Variants in ARHGAP32 observed in about 807,000 individuals in gnomAD.
ARHGAP32 encodes Rho GTPase activating protein 32, also known as rho GTPase-activating protein 32.
In ARHGAP32, 51 loss-of-function variants were observed where a neutral mutation model predicts 186.5. The observed-to-expected ratio is 0.27, with a 90% CI of 0.22 to 0.35. ARHGAP32 has a LOEUF of 0.35. Ranked by LOEUF, ARHGAP32 falls within the 10% of genes least tolerant of loss-of-function variation. The pLI, the probability that ARHGAP32 is intolerant of heterozygous loss-of-function variation, is 1.00. For synonymous variants in ARHGAP32, 950 were observed against 964.3 expected (o/e 0.99, Z 0.27); for missense variants, 2,186 against 2,623.5 (o/e 0.83, Z 3.64).
chr11:129,278,311 A>G (rs1354875931), intron 1 of ARHGAP32, among the ~76,000 whole-genome samples: 1 of 152,232 alleles, frequency 6.6e-6, no homozygotes, highest in African/African-American at 2.4e-5. Flanking sequence ...GATCAAAATT[A>G]TAATTATCCA....
At chr11:129,232,343 T>C (rs1194531070) in intron 1 of ARHGAP32, among the ~76,000 whole-genome samples, 1 of 152,190 alleles carries the variant, frequency 6.6e-6, no homozygotes, top group Non-Finnish European at 1.5e-5. Context: ...AACTAGAAGA[T>C]GAGTTCATCT....
rs753663540 is a variant in ARHGAP32 at position 128,970,653 on chromosome 11, A to G, written c.4560T>C (p.Ser1520=). 7 of 1,614,012 alleles carry G rather than the reference A, an allele frequency of 4.3e-6. No individual in the cohort carries two copies. In the Admixed American group the frequency reaches 6.7e-5, roughly 15 times the overall value. Residue 1520 remains serine (S), a synonymous_variant, in exon 23 of 23, where the codon AGT becomes AGC. Transcript: ENST00000682385. This position sits in a 1 kb window ranked among gnomAD's most constrained non-coding sequence, Gnocchi z 5.8. ...CCAATTTATTGTGATGGGGAGGTAC[A>G]CTCTGGGGACGGTACTGGCAGTTTG... is the stretch of plus-strand genomic sequence containing the variant. ...MTPNCQYRPQ[S]VPPHHNKLEQ...
chr11:129,153,047 A>T (rs1386744315), intron 2 of ARHGAP32, among the ~76,000 whole-genome samples: 2 of 152,176 alleles, frequency 1.3e-5, no homozygotes, highest in African/African-American at 4.8e-5. Context: ...AGTTTCAGAA[A>T]ACAAAATTAA....
chr11:129,238,520 G>A (rs932224365), intron 1 of ARHGAP32, among the ~76,000 whole-genome samples: 3 of 152,106 alleles, frequency 2.0e-5, no homozygotes, highest in Non-Finnish European at 2.9e-5. Flanking sequence ...AGTAACAGGT[G>A]CTCTTATACA....
rs1225907053 is a variant in ARHGAP32, at chr11:129,060,462, A to G, written c.963+1818T>C. 3.3e-5 allele frequency among the ~76,000 whole-genome samples: 5 copies of G among 152,176 alleles called. No homozygotes were observed. The East Asian group carries it at 9.6e-4, about 29-fold the overall frequency. Reference sequence around the variant, plus strand: ...ACAACATAACTATTATTTTAAAGCCAAATTAATCTTTTGATCATCTTTGAG... The same window carrying G: ...ACAACATAACTATTATTTTAAAGCCGAATTAATCTTTTGATCATCTTTGAG... On this transcript the variant is annotated intron_variant, in intron 10 of 22. Coordinates refer to ENST00000682385, the MANE Select transcript of ARHGAP32 (RefSeq NM_001378024.1).
intron 2 of ARHGAP32, among the ~76,000 whole-genome samples, chr11:129,145,913 G>GA (rs1943159659): frequency 2.6e-5 from 4 of 152,106 alleles, no homozygotes; most frequent in Admixed American, 2.6e-4. Context: ...GAGAGGATAG[G>GA]ATAGAGACAG....
At chr11:129,249,508 A>G (rs962912129) in intron 1 of ARHGAP32, among the ~76,000 whole-genome samples, 8 of 152,180 alleles carry the variant, frequency 5.3e-5, no homozygotes, top group Admixed American at 3.3e-4. Context: ...ACTGCAGACT[A>G]CAATCTAAGA....
In ARHGAP32 at chr11:128,974,858, A is replaced by G; in HGVS notation, c.2339T>C (p.Leu780Pro). The G allele has an allele frequency of 6.2e-7, 1 of 1,614,184 alleles. No individual in the cohort carries two copies. The highest frequency in any genetic ancestry group is 1.7e-5 in the Admixed American group (1 of 60,022). ...AGACATAAGGGCTGGGATATGAAGC[A>G]GCCCTCCTTCCTCCTCACTCTCATT... ...HDNESEEEGG[L>P]LHIPALMSPH... is the part of the protein sequence containing the mutation. Residue 780 changes from leucine to proline, a missense_variant, in exon 21 of 23, where the codon CTG becomes CCG. Physicochemically the swap from Leu to Pro is moderately conservative, Grantham distance 98. Transcript: ENST00000682385.
At chr11:129,230,244 T>C (rs1266864485) in intron 1 of ARHGAP32, among the ~76,000 whole-genome samples, 3 of 152,116 alleles carry the variant, frequency 2.0e-5, no homozygotes, top group Admixed American at 1.3e-4. Flanking sequence ...AAGTTTAACA[T>C]TATACTGCTT....
chr11:129,077,106 T>G (rs1305548319), intron 6 of ARHGAP32, among the ~76,000 whole-genome samples: 1 of 152,176 alleles, frequency 6.6e-6, no homozygotes, highest in Non-Finnish European at 1.5e-5. Flanking sequence ...TGTAGACACT[T>G]TCCTGGGCAC....
At chr11:129,061,257 C>A (rs144317322) in intron 10 of ARHGAP32, among the ~76,000 whole-genome samples, 8 of 152,188 alleles carry the variant, frequency 5.3e-5, no homozygotes, top group African/African-American at 1.2e-4. Context: ...AACTTTAAGG[C>A]ATTTTCAGAG....
At chr11:128,977,893 A>ATTT (rs1555060303) in intron 19 of ARHGAP32, among the ~76,000 whole-genome samples, 1 of 132,912 alleles carries the variant, frequency 7.5e-6, no homozygotes, top group African/African-American at 2.8e-5. Context: ...TATTATTATT[A>ATTT]TTTTGTAGAT....
At chr11:129,191,311 ATC>A (rs1565463127) in intron 1 of ARHGAP32, among the ~76,000 whole-genome samples, 16 of 152,156 alleles carry the variant, frequency 1.1e-4, no homozygotes, top group Non-Finnish European at 1.9e-4. Flanking sequence ...AAGGTATTAC[ATC>A]GCTAACTCTG....
intron 10 of ARHGAP32, among the ~76,000 whole-genome samples, chr11:129,060,043 G>A (rs1940426982): frequency 6.6e-6 from 1 of 152,058 alleles, no homozygotes; most frequent in South Asian, 2.1e-4. Context: ...ATTTGTTTTG[G>A]CAATAAACTG....
At chr11:129,007,132 C>A (rs1179246503) in intron 11 of ARHGAP32, among the ~76,000 whole-genome samples, 3 of 152,078 alleles carry the variant, frequency 2.0e-5, no homozygotes, top group African/African-American at 7.2e-5. Context: ...GCAGTGGGCT[C>A]CCCTCTGGCC....
chr11:129,172,818 G>A (rs1943796589), intron 1 of ARHGAP32, among the ~76,000 whole-genome samples: 1 of 152,096 alleles, frequency 6.6e-6, no homozygotes, highest in Non-Finnish European at 1.5e-5. Flanking sequence ...GAAATGTATA[G>A]CACTAAATGC....
chr11:129,177,322 G>A (rs1009786286), intron 1 of ARHGAP32, among the ~76,000 whole-genome samples: 2 of 152,028 alleles, frequency 1.3e-5, no homozygotes, highest in African/African-American at 2.4e-5. Context: ...AAGAGTCCAG[G>A]ACCAGATGGA....
At chr11:129,236,783 A>G (rs921193077) in intron 1 of ARHGAP32, among the ~76,000 whole-genome samples, 1 of 152,186 alleles carries the variant, frequency 6.6e-6, no homozygotes, top group African/African-American at 2.4e-5. Context: ...TTCCAGTACT[A>G]TACTGAATAG....
intron 1 of ARHGAP32, among the ~76,000 whole-genome samples, chr11:129,170,572 G>A (rs749259861): frequency 1.3e-5 from 2 of 152,100 alleles, no homozygotes; most frequent in Admixed American, 6.5e-5. Flanking sequence ...TCTTTATCCA[G>A]TCTGTCACTG....
Sources: allele counts gnomAD v4.1 joint callset (sites outside exome capture counted in the v4.1 genomes callset), GRCh38; gene constraint gnomAD v4.1.1; non-coding constraint Gnocchi (gnomAD v3.1); transcripts MANE v1.5; gene names NCBI Gene and HGNC (gene_info 2026-07-23, HGNC 2026-07-21).